COL24A1: variants seen among roughly 807,000 people sequenced by gnomAD.
COL24A1 encodes the protein collagen type XXIV alpha 1 chain.
A neutral mutation model predicts 253.9 loss-of-function variants in COL24A1; 224 were observed. The observed-to-expected ratio is 0.88, with a 90% CI of 0.79 to 0.99. COL24A1 has a LOEUF of 0.99. Among genes scored for constraint, COL24A1 ranks in the 50% least tolerant of loss-of-function variants. COL24A1 has a pLI of 0.00. For synonymous variants in COL24A1, 685 were observed against 673.7 expected, an observed-to-expected ratio of 1.02 and a Z score of -0.26; for missense variants, 2,131 against 2,068.5, an observed-to-expected ratio of 1.03 and a Z score of -0.59.
At chr1:86,100,213 A>T in intron 5 of COL24A1, among the ~76,000 whole-genome samples, 1 of 152,150 alleles carries the variant, frequency 6.6e-6, no homozygotes, top group East Asian at 1.9e-4. Context: ...GCTATTCTTC[A>T]AAGATTGAAT....
intron 20 of COL24A1, among the ~76,000 whole-genome samples, chr1:85,975,225 T>C (rs1320818228): frequency 6.6e-6 from 1 of 151,954 alleles, no homozygotes; most frequent in East Asian, 1.9e-4. Context: ...AAAATAAAAA[T>C]AGAACTACCA....
At chr1:86,066,434 T>C (rs1318363813) in intron 7 of COL24A1, among the ~76,000 whole-genome samples, 3 of 151,446 alleles carry the variant, frequency 2.0e-5, no homozygotes, top group Non-Finnish European at 2.9e-5. Flanking sequence ...TTAGTAGAGA[T>C]GGGGTTTCAC....
intron 35 of COL24A1, among the ~76,000 whole-genome samples, chr1:85,870,482 A>G (rs1005786803): frequency 1.3e-5 from 2 of 152,258 alleles, no homozygotes; most frequent in African/African-American, 4.8e-5. Context: ...AAGAACAGAA[A>G]TTATAACAAA....
At chr1:85,839,109 G>A (rs532749665) in intron 42 of COL24A1, among the ~76,000 whole-genome samples, 83 of 151,920 alleles carry the variant, frequency 5.5e-4, no homozygotes, top group Admixed American at 1.6e-3. Context: ...TGAAGCAGGG[G>A]GAACACTTGA....
At chr1:85,981,848 T>C (rs1422750699) in intron 20 of COL24A1, among the ~76,000 whole-genome samples, 2 of 152,142 alleles carry the variant, frequency 1.3e-5, no homozygotes, top group African/African-American at 2.4e-5. Flanking sequence ...CTTTGGAGTA[T>C]TCATCAAAGC....
intron 57 of COL24A1, 87 bp downstream of exon 57, chr1:85,744,579 T>G: frequency 8.7e-7 from 1 of 1,147,672 alleles, no homozygotes; most frequent in Non-Finnish European, 1.2e-6. Flanking sequence ...CTAACTATGA[T>G]TTGGAGTGAA....
intron 2 of COL24A1, among the ~76,000 whole-genome samples, chr1:86,143,606 A>G (rs958275501): frequency 8.5e-5 from 13 of 152,120 alleles, no homozygotes; most frequent in Non-Finnish European, 1.8e-4. Context: ...TTAAGTCCTC[A>G]TCATTAATAA....
intron 27 of COL24A1, 141 bp downstream of exon 27, chr1:85,908,457 G>A (rs1210245187): frequency 1.0e-5 from 5 of 485,632 alleles, no homozygotes; most frequent in African/African-American, 2.0e-5. Context: ...AGAGTGTTTT[G>A]TATAGTTGGG....
intron 37 of COL24A1, among the ~76,000 whole-genome samples, chr1:85,866,401 T>A (rs1057464002): frequency 6.6e-6 from 1 of 152,204 alleles, no homozygotes; most frequent in African/African-American, 2.4e-5. Flanking sequence ...AATAATAACA[T>A]CTATAGGTTA....
At chr1:85,894,649 C>A (rs1300160834) in intron 31 of COL24A1, among the ~76,000 whole-genome samples, 2 of 151,976 alleles carry the variant, frequency 1.3e-5, no homozygotes, top group Admixed American at 1.3e-4. Context: ...ATAATCTATA[C>A]AAACACCATT....
Position 86,022,308 on chromosome 1 carries a change from T to A in COL24A1, c.2203-15A>T, listed in dbSNP as rs200977491. 1 of 1,517,262 alleles carries A rather than the reference T, an allele frequency of 6.6e-7. No homozygotes were observed. Among genetic ancestry groups the A allele is most frequent in the South Asian group, 1.1e-5 (1 of 88,310 alleles). The allele number at this position is 1,517,262 out of a possible 1,614,324, so 94.0% of individuals were successfully genotyped here. ...CCAACAGCACCCTAAGAGAAGAGAA[T>A]AACAGAAGAGAAAGTTATTATACCA... On this transcript the variant is annotated splice_polypyrimidine_tract_variant and intron_variant, in intron 17 of 59. Transcript: ENST00000370571.
At chr1:85,888,111 C>T (rs1682723790) in intron 32 of COL24A1, among the ~76,000 whole-genome samples, 1 of 152,018 alleles carries the variant, frequency 6.6e-6, no homozygotes, top group Admixed American at 6.5e-5. Context: ...TTATACTTCA[C>T]ATACAGAGTC....
At chr1:86,015,883 CTTTTTTTTT>C (rs34005326) in intron 19 of COL24A1, among the ~76,000 whole-genome samples, 6 of 136,204 alleles carry the variant, frequency 4.4e-5, no homozygotes, top group Admixed American at 2.9e-4. Flanking sequence ...TCTACTTTTT[CTTTTTTTTT>C]TTTTTTTTTG....
intron 5 of COL24A1, among the ~76,000 whole-genome samples, chr1:86,109,084 G>A (rs1479587139): frequency 6.6e-6 from 1 of 152,110 alleles, no homozygotes; most frequent in Non-Finnish European, 1.5e-5. Flanking sequence ...TATAAATTCA[G>A]CCCTGTGGAG....
chr1:86,062,874 G>A (rs977657132), intron 8 of COL24A1, among the ~76,000 whole-genome samples: 1 of 152,186 alleles, frequency 6.6e-6, no homozygotes, highest in East Asian at 1.9e-4. Context: ...ATGAATGAAA[G>A]GGAAAATTGG....
intron 45 of COL24A1, among the ~76,000 whole-genome samples, chr1:85,822,895 T>A (rs1026394584): frequency 2.0e-5 from 3 of 152,322 alleles, no homozygotes; most frequent in East Asian, 1.9e-4. Context: ...CACCTTGGCC[T>A]GTCTTCAGCA....
At chr1:86,152,584 C>A (rs1557843060) in intron 1 of COL24A1, among the ~76,000 whole-genome samples, 1 of 152,146 alleles carries the variant, frequency 6.6e-6, no homozygotes, top group East Asian at 1.9e-4. Context: ...AGTACTCAAC[C>A]TGTAGAGCTT....
intron 19 of COL24A1, among the ~76,000 whole-genome samples, chr1:86,000,896 C>A (rs1213649946): frequency 1.3e-5 from 2 of 152,296 alleles, no homozygotes; most frequent in East Asian, 3.9e-4. Context: ...ATCCTGCTAC[C>A]ATATAAGAAG....
chr1:85,906,264 C>CTTTTTTTTTTTT (rs10526604), intron 28 of COL24A1, among the ~76,000 whole-genome samples: 1,283 of 77,780 alleles, frequency 0.016, 262 homozygotes, highest in African/African-American at 0.063. Flanking sequence ...ACTGCAAGGT[C>CTTTTTTTTTTTT]TTTTTTTTTT....
Sources: gnomAD v4.1 joint callset for allele counts (sites outside exome capture counted in the v4.1 genomes callset) on GRCh38, gnomAD v4.1.1 for gene constraint, MANE v1.5 for transcripts, NCBI Gene and HGNC (gene_info 2026-07-23, HGNC 2026-07-21) for gene names.